Variants in ESS2 observed in about 807,000 individuals in gnomAD.
ESS2 encodes the protein splicing factor ESS-2 homolog.
A neutral mutation model predicts 52.0 loss-of-function variants in ESS2; 31 were observed. That is an observed-to-expected ratio of 0.60 (90% CI 0.45 to 0.81). The LOEUF (loss-of-function observed/expected upper bound fraction) is 0.81, where lower values mean the gene tolerates loss of function less well. ESS2 is among the 30% of genes least tolerant of loss of function. ESS2 has a pLI of 0.00. For missense variants in ESS2, 602 were observed against 637.2 expected, an observed-to-expected ratio of 0.94 and a Z score of 0.59; for synonymous variants, 285 against 259.2, an observed-to-expected ratio of 1.10 and a Z score of -0.95.
At position 19,132,239 on chromosome 22, in the gene ESS2, G is replaced by A. The variant is rs746046655; in HGVS notation, c.*1957C>T. 6.1e-5 allele frequency: 99 copies of A among 1,611,812 alleles called. No individual in the cohort carries two copies. The highest frequency in any genetic ancestry group is 7.6e-5 in the Non-Finnish European group (89 of 1,178,464). On this transcript the variant is annotated 3_prime_UTR_variant, in exon 10 of 10. Transcript: ENST00000252137. This position sits in a 1 kb window ranked among gnomAD's most constrained non-coding sequence, Gnocchi z 4.2. Reference sequence around the variant, plus strand: ...TGCAGCCCCCCAAGCCCAAAGCCACGTCTTCTGCCTCCTTCAAGAGGGAGG... The same window carrying A: ...TGCAGCCCCCCAAGCCCAAAGCCACATCTTCTGCCTCCTTCAAGAGGGAGG...
intron 7 of ESS2, chr22:19,137,978 C>T (rs1256735027): frequency 1.0e-6 from 1 of 985,314 alleles, no homozygotes; most frequent in South Asian, 4.7e-5. Context: ...GGACAGGACA[C>T]GTCATCCCAG....
chr22:19,138,579 T>A, intron 6 of ESS2: 1 of 595,900 alleles, frequency 1.7e-6, no homozygotes, highest in Non-Finnish European at 3.0e-6. Flanking sequence ...GGGCCTCCAC[T>A]CGAGCTGCGC....
In ESS2 at chr22:19,134,334, C is replaced by G; in HGVS notation, c.1293G>C (p.Pro431=). Residue 431 remains proline, a synonymous_variant, in exon 10 of 10, where the codon CCG becomes CCC. Coordinates refer to ENST00000252137, the MANE Select transcript of ESS2 (RefSeq NM_022719.3). The part of the protein sequence containing the change: ...SPARSTHLKT[P]ASGLQTPTST... ...TTGTGGGGGTCTGCAGCCCACTGGC[C>G]GGGGTCTTGAGGTGGGTGGAGCGTG... 2 of 1,610,886 alleles carry G rather than the reference C, an allele frequency of 1.2e-6. No individual in the cohort carries two copies. The highest frequency in any genetic ancestry group is 1.7e-6 in the Non-Finnish European group (2 of 1,178,622).
At position 19,131,522 on chromosome 22, in the gene ESS2, G is replaced by A; in HGVS notation, c.*2674C>T. On this transcript the variant is annotated 3_prime_UTR_variant, in exon 10 of 10. Coordinates refer to ENST00000252137, the MANE Select transcript of ESS2 (RefSeq NM_022719.3). The surrounding 1 kb of genome is among the most constrained non-coding windows in gnomAD (Gnocchi z 5.7). ...GCCTCAAGTTCAATGTGGCTGTCAA[G>A]ATCATCGACCGCAAGAAAACACCTA... 1.9e-6 allele frequency: 3 copies of A among 1,614,174 alleles called. No homozygotes were observed. The highest frequency in any genetic ancestry group is 1.7e-6 in the Non-Finnish European group (2 of 1,180,030).
In ESS2 at chr22:19,135,178, AC is replaced by A. The variant is rs556284229; in HGVS notation, c.1036-4del. The A allele has an allele frequency of 4.2e-5, 67 of 1,611,742 alleles. No individual in the cohort carries two copies. The Admixed American group carries it at 9.2e-4, about 22-fold the overall frequency. On this transcript the variant is annotated splice_region_variant and splice_polypyrimidine_tract_variant and intron_variant, in intron 8 of 9. Coordinates refer to ENST00000252137, the MANE Select transcript of ESS2 (RefSeq NM_022719.3). ...TCCCTGCGGCCTGGCTCCAGGATCTACAAGGTAGCAGGTGTGTGGGTAGCTG... is the reference window on the plus strand; with the variant it reads ...TCCCTGCGGCCTGGCTCCAGGATCTAAAGGTAGCAGGTGTGTGGGTAGCTG...
intron 6 of ESS2, chr22:19,138,519 G>C (rs1163912214): frequency 1.4e-6 from 1 of 693,066 alleles, no homozygotes; most frequent in African/African-American, 1.8e-5. Flanking sequence ...GCCTGTCAAA[G>C]TGGGTACCCA....
At chr22:19,141,650 G>A (rs564431432) in intron 3 of ESS2, among the ~76,000 whole-genome samples, 2 of 152,296 alleles carry the variant, frequency 1.3e-5, no homozygotes, top group South Asian at 4.1e-4. Flanking sequence ...TTGTGCAAGG[G>A]ATGCCAATTA....
rs1234020933 is a variant in ESS2 at position 19,135,140 on chromosome 22, C to T, written c.1071G>A (p.Leu357=). ...LEPGRRERLG[L]KMANEAAAKN... ...TGGCAGCGGCCTCGTTGGCCATCTT[C>T]AGACCCAGCCGCTCCCTGCGGCCTG... Residue 357 remains leucine (L), a synonymous_variant, in exon 9 of 10, where the codon CTG becomes CTA. Coordinates refer to ENST00000252137, the MANE Select transcript of ESS2 (RefSeq NM_022719.3). 5 of 1,613,940 alleles carry T rather than the reference C, an allele frequency of 3.1e-6. No homozygotes were observed. In the East Asian group the frequency reaches 8.9e-5, roughly 29 times the overall value.
chr22:19,140,867 C>A (rs1601360950), intron 3 of ESS2, among the ~76,000 whole-genome samples: 1 of 152,344 alleles, frequency 6.6e-6, no homozygotes, highest in Non-Finnish European at 1.5e-5. Flanking sequence ...CTGAGACCTG[C>A]AGAAGTGACT....
chr22:19,139,383 G>C (rs2083643344), intron 5 of ESS2, 91 bp from the exon 6 acceptor site: 4 of 1,490,054 alleles, frequency 2.7e-6, no homozygotes, highest in East Asian at 2.4e-5. Flanking sequence ...GTCACTCCCA[G>C]ATGAACAAAA....
In ESS2 at chr22:19,132,221, C is replaced by T. The variant is rs1199738566; in HGVS notation, c.*1975G>A. 1 of 1,612,376 alleles carries T rather than the reference C, an allele frequency of 6.2e-7. No individual in the cohort carries two copies. Among genetic ancestry groups the T allele is most frequent in the Non-Finnish European group, 8.5e-7 (1 of 1,178,818 alleles). Reference sequence around the variant, plus strand: ...TCCTCAGCCACTCGTGGCTGCAGCCCCCCAAGCCCAAAGCCACGTCTTCTG... The same window carrying T: ...TCCTCAGCCACTCGTGGCTGCAGCCTCCCAAGCCCAAAGCCACGTCTTCTG... On this transcript the variant is annotated 3_prime_UTR_variant, in exon 10 of 10. Transcript: ENST00000252137. This position sits in a 1 kb window ranked among gnomAD's most constrained non-coding sequence, Gnocchi z 4.2.
At position 19,142,870 on chromosome 22, in the gene ESS2, C is replaced by G; in HGVS notation, c.160G>C (p.Asp54His). The G allele has an allele frequency of 6.2e-7, 1 of 1,613,880 alleles. No individual in the cohort carries two copies. Among genetic ancestry groups the G allele is most frequent in the Non-Finnish European group, 8.5e-7 (1 of 1,179,948 alleles). ...AGCTTCTCCACATCAGGAAAGAAAT[C>G]CCTTTGGATGACCGTCTGGAGGCCC... The part of the protein sequence containing the change: ...IEGLQTVIQR[D>H]FFPDVEKLQA... The change falls in exon 2 of 10, where the codon GAT becomes CAT. Residue 54 changes from aspartate to histidine, a missense_variant. Asp to His is a moderately conservative substitution (Grantham distance 81). Coordinates refer to ENST00000252137, the MANE Select transcript of ESS2 (RefSeq NM_022719.3).
rs1308900563 is a variant in ESS2, at chr22:19,138,258, T to C, written c.882A>G (p.Arg294=). 1.1e-5 allele frequency: 17 copies of C among 1,613,836 alleles called. No individual in the cohort carries two copies. ...GKELIPQESP[R]VGGFGFVATP... is the part of the protein sequence containing the mutation. ...TGGCAACAAATCCAAATCCACCCAC[T>C]CGAGGGGACTCCTGGGGGATCAGCT... is the stretch of plus-strand genomic sequence containing the variant. Residue 294 remains arginine (R), a synonymous_variant, in exon 7 of 10, where the codon CGA becomes CGG. Transcript: ENST00000252137.
At chr22:19,142,985 T>G (rs1247314953) in intron 1 of ESS2, 91 bp from the exon 2 acceptor site, 4 of 1,291,330 alleles carry the variant, frequency 3.1e-6, no homozygotes, top group Non-Finnish European at 4.3e-6. Flanking sequence ...GGGAGGTGGA[T>G]CATGAGGTCA....
Position 19,132,218 on chromosome 22 carries a change from G to GC in ESS2, c.*1977dup, listed in dbSNP as rs764514103. ...AGATCCTCAGCCACTCGTGGCTGCA[G>GC]CCCCCCAAGCCCAAAGCCACGTCTT... On this transcript the variant is annotated 3_prime_UTR_variant, in exon 10 of 10. Coordinates refer to ENST00000252137, the MANE Select transcript of ESS2 (RefSeq NM_022719.3). The surrounding 1 kb of genome is among the most constrained non-coding windows in gnomAD (Gnocchi z 4.2). 11 of 1,612,230 alleles carry GC rather than the reference G, an allele frequency of 6.8e-6. No homozygotes were observed. Among genetic ancestry groups the GC allele is most frequent in the East Asian group, 4.5e-5 (2 of 44,816 alleles).
At chr22:19,137,836 A>G in intron 7 of ESS2, 1 of 985,378 alleles carries the variant, frequency 1.0e-6, no homozygotes, top group African/African-American at 1.7e-5. Context: ...AGGGACACCC[A>G]CGCATGCCAC....
chr22:19,134,238 C>A lies in ESS2; in HGVS notation c.1389G>T (p.Leu463=). 2 of 1,544,874 alleles carry A rather than the reference C, an allele frequency of 1.3e-6. No homozygotes were observed. The highest frequency in any genetic ancestry group is 1.2e-5 in the South Asian group (1 of 82,778). ...TQDPASITDN[L]LQLPARRKAS... is the part of the protein sequence containing the mutation. ...CTTTGCGCCGGGCAGGGAGCTGCAGCAGGTTGTCCGTGATGGAGGCCGGGT... is the reference window on the plus strand; with the variant it reads ...CTTTGCGCCGGGCAGGGAGCTGCAGAAGGTTGTCCGTGATGGAGGCCGGGT... Residue 463 remains leucine (L), a synonymous_variant, in exon 10 of 10, where the codon CTG becomes CTT. Coordinates refer to ENST00000252137, the MANE Select transcript of ESS2 (RefSeq NM_022719.3).
rs202065494 is a variant in ESS2, at chr22:19,131,621, G to A, written c.*2575C>T. 6.2e-7 allele frequency: 1 copy of A among 1,614,112 alleles called. No individual in the cohort carries two copies. Among genetic ancestry groups the A allele is most frequent in the Non-Finnish European group, 8.5e-7 (1 of 1,180,028 alleles). On this transcript the variant is annotated 3_prime_UTR_variant, in exon 10 of 10. Coordinates refer to ENST00000252137, the MANE Select transcript of ESS2 (RefSeq NM_022719.3). This position sits in a 1 kb window ranked among gnomAD's most constrained non-coding sequence, Gnocchi z 5.7. ...CTGTCAACCACGGCTCCATCATCAA[G>A]ACTTACGAGATCTTTGAGACCTCTG...
chr22:19,131,672 G>C lies in ESS2; in HGVS notation c.*2524C>G, dbSNP rs369014285. The C allele has an allele frequency of 5.0e-6, 8 of 1,614,000 alleles. 1 individual carries two copies. The highest frequency in any genetic ancestry group is 6.8e-6 in the Non-Finnish European group (8 of 1,180,034). On this transcript the variant is annotated 3_prime_UTR_variant, in exon 10 of 10. Transcript: ENST00000252137. This position sits in a 1 kb window ranked among gnomAD's most constrained non-coding sequence, Gnocchi z 5.7. ...ACGGACGGATCTACATCATCATGGA[G>C]CTTGGCGTCCAGGGCGACCTCCTCG...
Sources: allele counts gnomAD v4.1 joint callset (sites outside exome capture counted in the v4.1 genomes callset), GRCh38; gene constraint gnomAD v4.1.1; non-coding constraint Gnocchi (gnomAD v3.1); transcripts MANE v1.5; gene names NCBI Gene and HGNC (gene_info 2026-07-23, HGNC 2026-07-21).